The following CNTNAP2 variants were observed in gnomAD, a reference collection of about 807,000 sequenced individuals.
The protein encoded by CNTNAP2 is contactin-associated protein-like 2.
In CNTNAP2, 98 loss-of-function variants were observed where a neutral mutation model predicts 155.2. That is an observed-to-expected ratio of 0.63 (90% confidence interval 0.54 to 0.75). The LOEUF (loss-of-function observed/expected upper bound fraction) is 0.75. Ranked by LOEUF, CNTNAP2 falls within the 30% of genes least tolerant of loss-of-function variation. The probability of loss-of-function intolerance (pLI) is 0.00; values close to 1 mark genes in which losing one functional copy is unlikely to be tolerated. For missense variants in CNTNAP2, 1,727 were observed against 1,688.1 expected, an observed-to-expected ratio of 1.02 and a Z score of -0.40; for synonymous variants, 651 against 631.2, an observed-to-expected ratio of 1.03 and a Z score of -0.47.
chr7:147,935,133 T>C (rs1029638260), intron 14 of CNTNAP2, among the ~76,000 whole-genome samples: 1 of 152,112 alleles, frequency 6.6e-6, no homozygotes, highest in African/African-American at 2.4e-5. Flanking sequence ...TAAATCTTTC[T>C]TTCTTTTTTT....
At chr7:147,561,414 A>C (rs886451568) in intron 11 of CNTNAP2, among the ~76,000 whole-genome samples, 1 of 152,222 alleles carries the variant, frequency 6.6e-6, no homozygotes, top group African/African-American at 2.4e-5. Context: ...GAGATATGTA[A>C]ATGTCCGTTT....
chr7:147,336,758 G>A (rs1033067470), intron 9 of CNTNAP2, among the ~76,000 whole-genome samples: 8 of 152,052 alleles, frequency 5.3e-5, no homozygotes, highest in Admixed American at 4.6e-4. Context: ...CTCAATGCTA[G>A]GACCCAACTA....
At chr7:148,089,968 T>G (rs1025693179) in intron 15 of CNTNAP2, among the ~76,000 whole-genome samples, 2 of 151,804 alleles carry the variant, frequency 1.3e-5, no homozygotes, top group Admixed American at 1.3e-4. Context: ...CAGAAATAAA[T>G]TAATGCATTT....
At chr7:146,993,995 T>C (rs1199409439) in intron 3 of CNTNAP2, among the ~76,000 whole-genome samples, 3 of 152,144 alleles carry the variant, frequency 2.0e-5, no homozygotes, top group Non-Finnish European at 2.9e-5. Context: ...TAATAAATAT[T>C]ATCATCATTT....
chr7:146,916,300 T>A (rs1358550835), intron 3 of CNTNAP2, among the ~76,000 whole-genome samples: 1 of 152,112 alleles, frequency 6.6e-6, no homozygotes, highest in Non-Finnish European at 1.5e-5. Flanking sequence ...ATGTCCTTTC[T>A]TGGTTTTGGT....
chr7:146,535,806 C>T (rs1401320991), intron 1 of CNTNAP2, among the ~76,000 whole-genome samples: 2 of 151,798 alleles, frequency 1.3e-5, no homozygotes, highest in African/African-American at 4.8e-5. Flanking sequence ...CTATTGTTCC[C>T]GTATTTATGT....
At chr7:146,832,434 C>T (rs563025560) in intron 2 of CNTNAP2, among the ~76,000 whole-genome samples, 301 of 150,180 alleles carry the variant, frequency 2.0e-3, no homozygotes, top group African/African-American at 6.8e-3. Flanking sequence ...CAAATTTTAA[C>T]AGGTTTACTG....
intron 4 of CNTNAP2, among the ~76,000 whole-genome samples, chr7:147,093,277 C>G (rs900177959): frequency 6.7e-6 from 1 of 149,630 alleles, no homozygotes; most frequent in African/African-American, 2.5e-5. Context: ...AAAAGGTGTA[C>G]GTATGTCAGA....
chr7:147,556,340 T>C (rs1478207930), intron 11 of CNTNAP2, among the ~76,000 whole-genome samples: 1 of 152,106 alleles, frequency 6.6e-6, no homozygotes, highest in Non-Finnish European at 1.5e-5. Flanking sequence ...TCATATTATT[T>C]TATATAGTTT....
intron 3 of CNTNAP2, among the ~76,000 whole-genome samples, chr7:147,038,741 A>G (rs1199137948): frequency 2.0e-5 from 3 of 152,110 alleles, no homozygotes; most frequent in African/African-American, 7.2e-5. Context: ...TATTTCATCT[A>G]TCATTTTGTA....
chr7:147,583,092 G>A (rs1219845262), intron 12 of CNTNAP2, among the ~76,000 whole-genome samples: 1 of 152,090 alleles, frequency 6.6e-6, no homozygotes, highest in Non-Finnish European at 1.5e-5. Context: ...CCAAGAGGTG[G>A]TGAAAGCCTA....
chr7:146,223,253 A>T lies in CNTNAP2; in HGVS notation c.97+106280A>T, dbSNP rs149550235. On this transcript the variant is annotated intron_variant, in intron 1 of 23. Coordinates refer to ENST00000361727, the MANE Select transcript of CNTNAP2 (RefSeq NM_014141.6). ...GTAGAGACTCGCATATTTCATGCCA[A>T]GATGTTTGGACAAGAGAGGAACTGA... is the stretch of plus-strand genomic sequence containing the variant. Among the ~76,000 whole-genome samples the T allele has an allele frequency of 4.6e-5, 7 of 152,306 alleles. No homozygotes were observed. The East Asian group carries it at 1.4e-3, about 29-fold the overall frequency.
In CNTNAP2 at chr7:148,377,157, G is replaced by C. The variant is rs1251416448; in HGVS notation, c.3476-6492G>C. Among the ~76,000 whole-genome samples the C allele has an allele frequency of 8.9e-5, 6 of 67,532 alleles. 3 individuals carry two copies. The East Asian group carries it at 1.7e-3, about 19-fold the overall frequency. The allele number at this position is 67,532 out of a possible 152,430, so 44.3% of individuals were successfully genotyped here. On this transcript the variant is annotated intron_variant, in intron 21 of 23. Coordinates refer to ENST00000361727, the MANE Select transcript of CNTNAP2 (RefSeq NM_014141.6). ...TCTCTCCAAGAGGCCCAGATGACCA[G>C]CCCTGACACTGGGAGCCACTGGGAG...
intron 8 of CNTNAP2, among the ~76,000 whole-genome samples, chr7:147,235,565 C>A (rs576441996): frequency 2.6e-4 from 39 of 152,094 alleles, no homozygotes; most frequent in African/African-American, 8.9e-4. Context: ...ACATTTATTT[C>A]TTTATGTACT....
At chr7:148,400,261 G>A (rs1221394566) in intron 22 of CNTNAP2, among the ~76,000 whole-genome samples, 1 of 152,218 alleles carries the variant, frequency 6.6e-6, no homozygotes, top group East Asian at 1.9e-4. Context: ...CCCTTCCGGG[G>A]CACCCTGCTG....
At chr7:147,338,359 A>C (rs1795700115) in intron 9 of CNTNAP2, among the ~76,000 whole-genome samples, 1 of 152,128 alleles carries the variant, frequency 6.6e-6, no homozygotes, top group Admixed American at 6.6e-5. Flanking sequence ...TCATGTAAAA[A>C]ATTCACAGAA....
At chr7:147,379,327 T>C (rs1796493533) in intron 9 of CNTNAP2, among the ~76,000 whole-genome samples, 1 of 152,112 alleles carries the variant, frequency 6.6e-6, no homozygotes, top group South Asian at 2.1e-4. Flanking sequence ...TTAGCTGAAA[T>C]TGAATTCATG....
intron 1 of CNTNAP2, among the ~76,000 whole-genome samples, chr7:146,520,025 T>G (rs1797595150): frequency 6.6e-6 from 1 of 151,726 alleles, no homozygotes; most frequent in Non-Finnish European, 1.5e-5. Flanking sequence ...ACAAGCTCTT[T>G]TCTTAGAGAC....
chr7:146,413,267 G>A lies in CNTNAP2; in HGVS notation c.97+296294G>A, dbSNP rs764150146. On this transcript the variant is annotated intron_variant, in intron 1 of 23. Transcript: ENST00000361727. Reference sequence around the variant, plus strand: ...CATGAGAGAAGAGGGTCTGCATGTCGTGAGGGCCACTTTCTCAATCCTGTT... The same window carrying A: ...CATGAGAGAAGAGGGTCTGCATGTCATGAGGGCCACTTTCTCAATCCTGTT... Among the ~76,000 whole-genome samples, 253 of 152,256 alleles carry A rather than the reference G, an allele frequency of 1.7e-3. 1 individual carries two copies. Among genetic ancestry groups the A allele is most frequent in the Middle Eastern group, 3.4e-3 (1 of 294 alleles).
Sources: allele counts gnomAD v4.1 joint callset (sites outside exome capture counted in the v4.1 genomes callset), GRCh38; gene constraint gnomAD v4.1.1; transcripts MANE v1.5; gene names NCBI Gene and HGNC (gene_info 2026-07-23, HGNC 2026-07-21).